The following KALRN variants were observed in gnomAD, a reference collection of about 807,000 sequenced individuals.
The protein encoded by KALRN is kalirin.
Under a neutral mutation model 353.7 loss-of-function variants are expected in KALRN, and 70 were observed. That is an observed-to-expected ratio of 0.20 (90% confidence interval 0.16 to 0.24). The LOEUF (loss-of-function observed/expected upper bound fraction) is 0.24, where lower values mean the gene tolerates loss of function less well. Ranked by LOEUF, KALRN falls within the 10% of genes least tolerant of loss-of-function variation. The pLI is 1.00. For synonymous variants in KALRN, 1,391 were observed against 1,434.8 expected, an observed-to-expected ratio of 0.97 and a Z score of 0.69; for missense variants, 2,791 against 3,756.7, an observed-to-expected ratio of 0.74 and a Z score of 6.72.
intron 12 of KALRN, among the ~76,000 whole-genome samples, chr3:124,398,269 T>A (rs190889694): frequency 2.4e-4 from 37 of 152,340 alleles, no homozygotes; most frequent in African/African-American, 5.5e-4. Flanking sequence ...AGATTTTTTT[T>A]AAAATATGCC....
chr3:124,695,693 A>G (rs931694165), intron 53 of KALRN, among the ~76,000 whole-genome samples: 4 of 151,738 alleles, frequency 2.6e-5, no homozygotes, highest in African/African-American at 9.7e-5. Context: ...AGGATCCCAC[A>G]TCTAGAATTT....
At chr3:124,674,792 T>C in intron 49 of KALRN, 178 bp downstream of exon 49, 1 of 523,408 alleles carries the variant, frequency 1.9e-6, no homozygotes, top group East Asian at 3.5e-5. Flanking sequence ...GCATCCGGGC[T>C]GGAGTGATCC....
At chr3:124,642,434 T>C (rs1190151259) in intron 37 of KALRN, among the ~76,000 whole-genome samples, 2 of 152,128 alleles carry the variant, frequency 1.3e-5, no homozygotes, top group African/African-American at 4.8e-5. Context: ...CCTCTGCCTT[T>C]AGGGAAGAGA....
chr3:124,180,166 C>T (rs902598737), intron 1 of KALRN, among the ~76,000 whole-genome samples: 2 of 152,152 alleles, frequency 1.3e-5, no homozygotes, highest in Non-Finnish European at 2.9e-5. Context: ...CTGACCTTGC[C>T]TTTGCCCTTC....
At chr3:124,562,245 C>G (rs1393561062) in intron 33 of KALRN, among the ~76,000 whole-genome samples, 1 of 152,150 alleles carries the variant, frequency 6.6e-6, no homozygotes, top group African/African-American at 2.4e-5. Flanking sequence ...TCCTCGTAGC[C>G]TCGATTTTAG....
chr3:124,591,218 G>A (rs950977724), intron 34 of KALRN, among the ~76,000 whole-genome samples: 4 of 152,182 alleles, frequency 2.6e-5, no homozygotes, highest in African/African-American at 9.6e-5. Flanking sequence ...GCTTGTACAC[G>A]TTTTCTTAGT....
intron 57 of KALRN, among the ~76,000 whole-genome samples, chr3:124,712,405 T>C (rs1008485483): frequency 1.3e-5 from 2 of 152,180 alleles, no homozygotes; most frequent in Non-Finnish European, 2.9e-5. Context: ...CTGTTTCTAT[T>C]GTTGTATTTC....
intron 50 of KALRN, 65 bp downstream of exon 50, chr3:124,678,378 C>A: frequency 6.4e-7 from 1 of 1,562,050 alleles, no homozygotes; most frequent in Non-Finnish European, 8.7e-7. Flanking sequence ...AGCATTCTCA[C>A]AAGCCAATTT....
chr3:124,438,816 T>G, intron 17 of KALRN, 72 bp from the exon 18 acceptor site: 2 of 1,395,872 alleles, frequency 1.4e-6, no homozygotes. Context: ...TAGGCTTCTA[T>G]AGGCTGAAGG....
intron 31 of KALRN, 190 bp downstream of exon 31, chr3:124,491,614 A>G (rs957583758): frequency 2.9e-5 from 13 of 444,234 alleles, no homozygotes; most frequent in African/African-American, 1.8e-4. Context: ...TCAAAGACGC[A>G]TGGTCTCCTC....
chr3:124,163,581 GACACATAATAGGTTGA>G (rs1296177596), intron 1 of KALRN: 6 of 984,620 alleles, frequency 6.1e-6, no homozygotes, highest in Non-Finnish European at 7.2e-6. Flanking sequence ...TGTTTTGCTG[GACACATAATAGGTTGA>G]ACACATAATA....
chr3:124,169,762 C>T (rs1349767784), intron 1 of KALRN, among the ~76,000 whole-genome samples: 1 of 151,978 alleles, frequency 6.6e-6, no homozygotes, highest in Non-Finnish European at 1.5e-5. Context: ...CAACAGTGGG[C>T]AATAGGGGAG....
At chr3:124,642,810 T>TTTTTTTGTTG (rs1559750002) in intron 37 of KALRN, among the ~76,000 whole-genome samples, 2 of 137,856 alleles carry the variant, frequency 1.5e-5, no homozygotes, top group Non-Finnish European at 3.1e-5. Flanking sequence ...AGCCTCGTTT[T>TTTTTTTGTTG]TTTTTTTTTT....
chr3:124,483,627 T>C (rs1161308207), intron 28 of KALRN, among the ~76,000 whole-genome samples: 1 of 152,116 alleles, frequency 6.6e-6, no homozygotes, highest in Admixed American at 6.5e-5. Flanking sequence ...ACATGGGTAG[T>C]CGAGGCCAGG....
rs550894589 is a variant in KALRN at position 124,306,456 on chromosome 3, A to G, written c.1092+7543A>G. The stretch of plus-strand genomic sequence containing the variant: ...GCAATATGAAGAACAGAGAGAAAAA[A>G]GAATGAGGACAAATGTACAGAGCTT... On this transcript the variant is annotated intron_variant, in intron 6 of 59. Transcript: ENST00000682506. 4.6e-3 allele frequency among the ~76,000 whole-genome samples: 693 copies of G among 152,266 alleles called. 6 individuals carry two copies. The highest frequency in any genetic ancestry group is 7.0e-3 in the Non-Finnish European group (478 of 68,028).
chr3:124,649,897 G>A (rs1396457394), intron 37 of KALRN, among the ~76,000 whole-genome samples: 1 of 150,840 alleles, frequency 6.6e-6, no homozygotes, highest in Non-Finnish European at 1.5e-5. Context: ...ACTGAAGCGG[G>A]AAGATCACTT....
intron 51 of KALRN, among the ~76,000 whole-genome samples, chr3:124,681,588 T>C (rs1024023559): frequency 6.6e-6 from 1 of 151,988 alleles, no homozygotes; most frequent in Admixed American, 6.6e-5. Context: ...GATGTAGCCC[T>C]TATATATTAC....
chr3:124,507,591 A>G (rs899770046), intron 33 of KALRN, among the ~76,000 whole-genome samples: 2 of 152,242 alleles, frequency 1.3e-5, no homozygotes, highest in Non-Finnish European at 2.9e-5. Context: ...ATGACCAGAT[A>G]CCACGGAGAT....
intron 1 of KALRN, among the ~76,000 whole-genome samples, chr3:124,136,033 C>A (rs753829893): frequency 7.9e-5 from 12 of 152,150 alleles, no homozygotes; most frequent in Non-Finnish European, 1.3e-4. Flanking sequence ...CCTGCATACC[C>A]TGTTACAGTC....
Sources: gnomAD v4.1 joint callset for allele counts (sites outside exome capture counted in the v4.1 genomes callset) on GRCh38, gnomAD v4.1.1 for gene constraint, MANE v1.5 for transcripts, NCBI Gene and HGNC (gene_info 2026-07-23, HGNC 2026-07-21) for gene names.